The following AK4 variants were observed in gnomAD, a reference collection of about 807,000 sequenced individuals.
The protein encoded by AK4 is adenylate kinase 4.
Under a neutral mutation model 24.6 loss-of-function variants are expected in AK4, and 13 were observed. That is an observed-to-expected ratio of 0.53 (90% CI 0.34 to 0.84). The LOEUF is 0.84. Ranked by LOEUF, AK4 falls within the 40% of genes least tolerant of loss-of-function variation. AK4 has a pLI of 0.01. For missense variants in AK4, 192 were observed against 288.2 expected (o/e 0.67, Z 2.42); for synonymous variants, 88 against 107.0 (o/e 0.82, Z 1.10).
At chr1:65,203,117 C>T (rs1651714244) in intron 2 of AK4, among the ~76,000 whole-genome samples, 1 of 152,066 alleles carries the variant, frequency 6.6e-6, no homozygotes, top group Non-Finnish European at 1.5e-5. Flanking sequence ...AAGCAATCCT[C>T]CTGTCTCAGC....
intron 1 of AK4, among the ~76,000 whole-genome samples, chr1:65,175,810 A>T (rs1054467763): frequency 1.3e-5 from 2 of 152,168 alleles, no homozygotes; most frequent in African/African-American, 2.4e-5. Flanking sequence ...GATTTTGGCA[A>T]ATCTTTCAGA....
chr1:65,168,496 T>G (rs1650406822), intron 1 of AK4, among the ~76,000 whole-genome samples: 3 of 152,128 alleles, frequency 2.0e-5, no homozygotes. Flanking sequence ...TCTGTTATGT[T>G]ATCTAGGTGG....
intron 1 of AK4, among the ~76,000 whole-genome samples, chr1:65,182,509 T>C (rs1012449019): frequency 1.3e-5 from 2 of 151,778 alleles, no homozygotes; most frequent in Non-Finnish European, 2.9e-5. Flanking sequence ...GAAAAAAGTA[T>C]ATGACAGACA....
chr1:65,197,045 G>A (rs1020946599), intron 2 of AK4, among the ~76,000 whole-genome samples: 2 of 152,036 alleles, frequency 1.3e-5, no homozygotes, highest in African/African-American at 2.4e-5. Flanking sequence ...AGAACAGCAC[G>A]GAAAAGACCA....
chr1:65,180,306 G>C (rs573955863), intron 1 of AK4, among the ~76,000 whole-genome samples: 40 of 152,266 alleles, frequency 2.6e-4, no homozygotes, highest in Non-Finnish European at 5.3e-4. Flanking sequence ...CAATTAGCTG[G>C]GCATGGTGGC....
chr1:65,215,928 A>T (rs556239142), intron 2 of AK4, among the ~76,000 whole-genome samples: 204 of 152,222 alleles, frequency 1.3e-3, no homozygotes, highest in African/African-American at 4.7e-3. Flanking sequence ...CCTCTATCCG[A>T]TATAAAGACT....
intron 1 of AK4, among the ~76,000 whole-genome samples, chr1:65,163,886 T>TG (rs1486888126): frequency 6.6e-6 from 1 of 152,006 alleles, no homozygotes; most frequent in East Asian, 1.9e-4. Context: ...GAGGTTTTCT[T>TG]GCTGTCTTCT....
At chr1:65,178,534 G>A (rs1357837709) in intron 1 of AK4, among the ~76,000 whole-genome samples, 1 of 152,214 alleles carries the variant, frequency 6.6e-6, no homozygotes, top group Non-Finnish European at 1.5e-5. Context: ...ACTAACTTTA[G>A]CCCATGTGCT....
rs966037928 is a variant in AK4 at position 65,184,013 on chromosome 1, G to A, written c.146-6697G>A. Among the ~76,000 whole-genome samples the A allele has an allele frequency of 2.0e-5, 3 of 152,198 alleles. No individual in the cohort carries two copies. The South Asian group carries it at 6.2e-4, about 32-fold the overall frequency. On this transcript the variant is annotated intron_variant, in intron 1 of 4. Coordinates refer to ENST00000327299, the MANE Select transcript of AK4 (RefSeq NM_013410.4). The stretch of plus-strand genomic sequence containing the variant: ...AGATAGTCTTAAGTTTTGTGTTATC[G>A]TATAATTTTAAATGCGGTATTATCT...
In AK4 at chr1:65,168,393, G is replaced by A. The variant is rs562759828; in HGVS notation, c.145+19841G>A. Among the ~76,000 whole-genome samples the A allele has an allele frequency of 1.6e-4, 25 of 152,024 alleles. No homozygotes were observed. In the South Asian group the frequency reaches 2.9e-3, roughly 18 times the overall value. On this transcript the variant is annotated intron_variant, in intron 1 of 4. Coordinates refer to ENST00000327299, the MANE Select transcript of AK4 (RefSeq NM_013410.4). ...ACTCCTGACCTCAGGTGATTTACCC[G>A]CCTTGGCCTCCCAAAGTGCTGGGAT...
intron 2 of AK4, among the ~76,000 whole-genome samples, chr1:65,215,902 C>G (rs954880815): frequency 2.0e-5 from 3 of 152,134 alleles, no homozygotes; most frequent in Non-Finnish European, 2.9e-5. Context: ...GTGCTTCCCC[C>G]GCTCCCAGCT....
chr1:65,191,855 GA>G (rs1651318599), intron 2 of AK4, among the ~76,000 whole-genome samples: 1 of 152,166 alleles, frequency 6.6e-6, no homozygotes, highest in South Asian at 2.1e-4. Flanking sequence ...GGAATAACTG[GA>G]CTAAGGGATG....
At chr1:65,171,701 T>A (rs1650531006) in intron 1 of AK4, among the ~76,000 whole-genome samples, 1 of 152,068 alleles carries the variant, frequency 6.6e-6, no homozygotes, top group Non-Finnish European at 1.5e-5. Context: ...ATAGCAGCTA[T>A]CATTGGATTT....
At chr1:65,158,453 A>G (rs1443701365) in intron 1 of AK4, among the ~76,000 whole-genome samples, 5 of 152,206 alleles carry the variant, frequency 3.3e-5, no homozygotes, top group African/African-American at 1.2e-4. Context: ...TACTTTCACA[A>G]TGGACAATGA....
intron 1 of AK4, among the ~76,000 whole-genome samples, chr1:65,177,029 A>C (rs1650740735): frequency 6.6e-6 from 1 of 152,204 alleles, no homozygotes; most frequent in South Asian, 2.1e-4. Context: ...AGGTTAAATA[A>C]TTTTTCATTT....
intron 2 of AK4, among the ~76,000 whole-genome samples, chr1:65,192,890 A>G (rs1454944109): frequency 2.6e-5 from 4 of 152,260 alleles, no homozygotes; most frequent in African/African-American, 9.6e-5. Context: ...CCTCCTGGGC[A>G]CACTGGGATG....
At chr1:65,215,579 G>C (rs1331078342) in intron 2 of AK4, among the ~76,000 whole-genome samples, 5 of 152,194 alleles carry the variant, frequency 3.3e-5, no homozygotes. Context: ...TTCTAAACCA[G>C]CTTTAGGTAC....
chr1:65,163,290 C>A (rs1650229207), intron 1 of AK4, among the ~76,000 whole-genome samples: 2 of 152,150 alleles, frequency 1.3e-5, no homozygotes, highest in African/African-American at 4.8e-5. Context: ...AAACTTCAGC[C>A]AAGTTTAATT....
At chr1:65,210,487 C>T (rs1651940001) in intron 2 of AK4, among the ~76,000 whole-genome samples, 3 of 152,180 alleles carry the variant, frequency 2.0e-5, no homozygotes, top group African/African-American at 4.8e-5. Flanking sequence ...GCCACATACA[C>T]ATGCTATTTG....
Sources: gnomAD v4.1 joint callset for allele counts (sites outside exome capture counted in the v4.1 genomes callset) on GRCh38, gnomAD v4.1.1 for gene constraint, MANE v1.5 for transcripts, NCBI Gene and HGNC (gene_info 2026-07-23, HGNC 2026-07-21) for gene names.